The following CR1 variants were observed in gnomAD, a reference collection of about 807,000 sequenced individuals.
The protein encoded by CR1 is complement receptor type 1.
Under a neutral mutation model 187.3 loss-of-function variants are expected in CR1, and 116 were observed. That is an observed-to-expected ratio of 0.62 (90% CI 0.53 to 0.72). The LOEUF (loss-of-function observed/expected upper bound fraction) is 0.72, where lower values mean the gene tolerates loss of function less well. CR1 is among the 30% of genes least tolerant of loss of function. The probability of loss-of-function intolerance (pLI) is 0.00; values close to 1 mark genes in which losing one functional copy is unlikely to be tolerated. For synonymous variants in CR1, 576 were observed against 747.1 expected, an observed-to-expected ratio of 0.77 and a Z score of 3.73; for missense variants, 1,731 against 2,110.7, an observed-to-expected ratio of 0.82 and a Z score of 3.52.
chr1:207,512,476 T>C (rs1659654214), intron 4 of CR1, among the ~76,000 whole-genome samples: 1 of 152,204 alleles, frequency 6.6e-6, no homozygotes, highest in African/African-American at 2.4e-5. Flanking sequence ...TATTAAAAAA[T>C]AATACACCTA....
rs376524177 is a variant in CR1 at position 207,587,380 on chromosome 1, C to G, written c.5531-6C>G. 4.2e-5 allele frequency: 68 copies of G among 1,608,114 alleles called. No individual in the cohort carries two copies. Among genetic ancestry groups the G allele is most frequent in the Non-Finnish European group, 5.3e-5 (62 of 1,176,956 alleles). ...ACTTTGATATTCCTGTGGTTTTTCT[C>G]TCCAGGTCACTGTAAAACCCCAGAG... On this transcript the variant is annotated splice_polypyrimidine_tract_variant and splice_region_variant and intron_variant, in intron 33 of 46. Coordinates refer to ENST00000367049, the MANE Select transcript of CR1 (RefSeq NM_000651.6).
rs1659073679 is a variant in CR1 at position 207,496,185 on chromosome 1, G to A, written c.-83G>A. The A allele has an allele frequency of 6.2e-7, 1 of 1,609,338 alleles. No individual in the cohort carries two copies. Among genetic ancestry groups the A allele is most frequent in the Non-Finnish European group, 8.5e-7 (1 of 1,178,406 alleles). ...CTCTGGGCGCGGAGCACAATGATTG[G>A]TCACTCCTATTTTCGCTGAGCTTTT... On this transcript the variant is annotated 5_prime_UTR_variant, in exon 1 of 47. Transcript: ENST00000367049.
intron 3 of CR1, among the ~76,000 whole-genome samples, chr1:207,508,584 C>T (rs1659519430): frequency 1.3e-5 from 2 of 152,150 alleles, no homozygotes; most frequent in South Asian, 4.1e-4. Context: ...TGGATTATAA[C>T]TGTTTCAATA....
chr1:207,566,107 A>G (rs1245446817), intron 24 of CR1, among the ~76,000 whole-genome samples, 184 bp downstream of exon 24: 2 of 150,288 alleles, frequency 1.3e-5, no homozygotes, highest in African/African-American at 5.0e-5. Context: ...CAACCATCTG[A>G]TCTGTCTCTG....
intron 1 of CR1, 145 bp downstream of exon 1, chr1:207,496,533 G>T: frequency 2.5e-6 from 2 of 796,274 alleles, no homozygotes; most frequent in Non-Finnish European, 1.8e-6. Flanking sequence ...CGCGCGACCC[G>T]GCAGGGCGGC....
chr1:207,629,019 C>T (rs1278330640), intron 45 of CR1, among the ~76,000 whole-genome samples: 1 of 152,148 alleles, frequency 6.6e-6, no homozygotes, highest in African/African-American at 2.4e-5. Flanking sequence ...TATGCGCCTG[C>T]ACGTTTTGAT....
intron 28 of CR1, among the ~76,000 whole-genome samples, chr1:207,577,482 A>G (rs1254934090): frequency 6.6e-6 from 1 of 152,224 alleles, no homozygotes; most frequent in Non-Finnish European, 1.5e-5. Context: ...TAATTATTAG[A>G]AACCAGGCTG....
intron 3 of CR1, among the ~76,000 whole-genome samples, chr1:207,510,446 A>G (rs540289130): frequency 2.6e-5 from 4 of 152,332 alleles, no homozygotes; most frequent in African/African-American, 9.6e-5. Context: ...CTATACCAAT[A>G]ACCATGACTG....
chr1:207,622,278 C>A (rs1662336943), intron 44 of CR1, among the ~76,000 whole-genome samples: 1 of 152,092 alleles, frequency 6.6e-6, no homozygotes, highest in Non-Finnish European at 1.5e-5. Context: ...GTCAAAAATT[C>A]TTTATTTGAA....
intron 41 of CR1, among the ~76,000 whole-genome samples, chr1:207,617,622 GAGAGAGAGAGA>G (rs1662182698): frequency 1.1e-4 from 2 of 17,852 alleles, no homozygotes; most frequent in African/African-American, 6.5e-4. Context: ...TAGAGAGAGA[GAGAGAGAGAGA>G]GAGAGAGAGA....
intron 23 of CR1, 121 bp from the exon 24 acceptor site, chr1:207,565,717 A>G (rs1396349177): frequency 1.3e-5 from 17 of 1,324,594 alleles, no homozygotes; most frequent in Non-Finnish European, 1.5e-5. Context: ...AGCCTGTGCA[A>G]CTCTGCCATC....
In CR1 at chr1:207,611,842, C is replaced by T; in HGVS notation, c.6461C>T (p.Pro2154Leu). ...TPQGDWSPEA[P>L]RCTVKSCDDF... is the part of the protein sequence containing the mutation. ...CAGGGAGACTGGAGCCCTGAAGCCC[C>T]TAGATGTACAGGTGCCTTGACTCTC... The change falls in exon 38 of 47, where the codon CCT becomes CTT. Residue 2154 changes from proline to leucine, a missense_variant. Physicochemically the swap from Pro to Leu is moderately conservative, Grantham distance 98. This residue lies in a region of CR1 where 1,312 missense variants were observed against 1,379.6 expected (regional missense o/e 0.95). Transcript: ENST00000367049. The T allele has an allele frequency of 1.2e-6, 2 of 1,614,002 alleles. No individual in the cohort carries two copies. The highest frequency in any genetic ancestry group is 1.1e-5 in the South Asian group (1 of 91,086).
In CR1 at chr1:207,575,180, C is replaced by T. The variant is rs553519107; in HGVS notation, c.4452-415C>T. Among the ~76,000 whole-genome samples the T allele has an allele frequency of 3.4e-5, 5 of 148,924 alleles. No individual in the cohort carries two copies. The East Asian group carries it at 7.9e-4, about 23-fold the overall frequency. ...TCTTGTATTTATAAAAAACATGTCT[C>T]AAGTAAAATGACATAGTATTATACA... On this transcript the variant is annotated intron_variant, in intron 27 of 46. Transcript: ENST00000367049.
At chr1:207,576,582 C>T (rs1660752196) in intron 28 of CR1, among the ~76,000 whole-genome samples, 1 of 152,136 alleles carries the variant, frequency 6.6e-6, no homozygotes, top group South Asian at 2.1e-4. Context: ...CTTTGGGAGG[C>T]CTAGGTGAGC....
At chr1:207,525,858 C>G (rs1660151422) in intron 5 of CR1, among the ~76,000 whole-genome samples, 1 of 152,044 alleles carries the variant, frequency 6.6e-6, no homozygotes, top group Non-Finnish European at 1.5e-5. Context: ...TATTTACAAA[C>G]TCCCTAAAGA....
chr1:207,602,614 G>A (rs962249154), intron 35 of CR1, among the ~76,000 whole-genome samples: 1 of 152,032 alleles, frequency 6.6e-6, no homozygotes, highest in African/African-American at 2.4e-5. Context: ...AGAACACTCG[G>A]CATCCTTCCT....
At chr1:207,581,477 AAAT>A (rs1037399694) in intron 31 of CR1, among the ~76,000 whole-genome samples, 61 of 127,594 alleles carry the variant, frequency 4.8e-4, no homozygotes, top group African/African-American at 2.2e-3. Context: ...ATGTATGAAT[AAAT>A]AATAATTTGC....
intron 3 of CR1, chr1:207,507,077 G>A (rs2102337109): frequency 2.6e-6 from 1 of 377,730 alleles, no homozygotes; most frequent in African/African-American, 2.1e-5. Context: ...GAAAATGGGG[G>A]AAGAGTATAG....
Position 207,580,240 on chromosome 1 carries a change from T to C in CR1, c.4937T>C (p.Val1646Ala), listed in dbSNP as rs1318119342. The stretch of plus-strand genomic sequence containing the variant: ...TACTCTGGAACTGTCCTTTCCACAG[T>C]GTGTCAGCCGCCTCCAGAAATCCTG... Reference protein sequence around the residue: ...WEPELPSCSRVCQPPPEILHG... With the variant: ...WEPELPSCSRACQPPPEILHG... Residue 1646 changes from valine (V) to alanine (A), a missense_variant and splice_region_variant, in exon 30 of 47, where the codon GTG (valine) becomes GCG (alanine). By Grantham distance (64) the Val-to-Ala change is moderately conservative. This residue lies in a region of CR1 where 1,312 missense variants were observed against 1,379.6 expected (regional missense o/e 0.95). Transcript: ENST00000367049. The C allele has an allele frequency of 4.3e-6, 7 of 1,613,470 alleles. No individual in the cohort carries two copies. In the African/African-American group the frequency reaches 8.0e-5, roughly 18 times the overall value.
Sources: gnomAD v4.1 joint callset for allele counts (sites outside exome capture counted in the v4.1 genomes callset) on GRCh38, gnomAD v4.1.1 for gene constraint, gnomAD v4.1.1 regional missense constraint, MANE v1.5 for transcripts, NCBI Gene and HGNC (gene_info 2026-07-23, HGNC 2026-07-21) for gene names.